The following TAFA5 variants were observed in gnomAD, a reference collection of about 807,000 sequenced individuals.
TAFA5 encodes the protein TAFA chemokine like family member 5.
Under a neutral mutation model 15.3 loss-of-function variants are expected in TAFA5, and 6 were observed. That is an observed-to-expected ratio of 0.39 (90% CI 0.21 to 0.77). The LOEUF is 0.77. Among genes scored for constraint, TAFA5 ranks in the 30% least tolerant of loss-of-function variants. The pLI is 0.41. For synonymous variants in TAFA5, 103 were observed against 80.7 expected (o/e 1.28, Z -1.48); for missense variants, 161 against 193.1 (o/e 0.83, Z 0.98).
chr22:48,722,369 T>A (rs1929594937), intron 3 of TAFA5, among the ~76,000 whole-genome samples: 2 of 152,218 alleles, frequency 1.3e-5, no homozygotes, highest in Non-Finnish European at 2.9e-5. Context: ...TAGAATACTA[T>A]GCAGTCATAA....
chr22:48,552,042 C>T lies in TAFA5; in HGVS notation c.112+62338C>T, dbSNP rs116146267. ...GGCCGTTCAGCTCTGACTGTCCTCCCGGCAGGAAGCGTCCTCCAGTGCTCC... is the reference window on the plus strand; with the variant it reads ...GGCCGTTCAGCTCTGACTGTCCTCCTGGCAGGAAGCGTCCTCCAGTGCTCC... On this transcript the variant is annotated intron_variant, in intron 1 of 3. Transcript: ENST00000402357. The surrounding 1 kb of genome is among the most constrained non-coding windows in gnomAD (Gnocchi z 4.1). Among the ~76,000 whole-genome samples, 6 of 152,346 alleles carry T rather than the reference C, an allele frequency of 3.9e-5. No homozygotes were observed. Among genetic ancestry groups the T allele is most frequent in the African/African-American group, 7.2e-5 (3 of 41,582 alleles).
At chr22:48,579,139 G>T (rs1004217066) in intron 1 of TAFA5, among the ~76,000 whole-genome samples, 4 of 150,820 alleles carry the variant, frequency 2.7e-5, no homozygotes, top group Non-Finnish European at 4.4e-5. Flanking sequence ...TCCCCCCCTG[G>T]CCACTCTGGT....
intron 1 of TAFA5, among the ~76,000 whole-genome samples, chr22:48,563,335 C>T (rs1207260822): frequency 6.6e-6 from 1 of 152,174 alleles, no homozygotes; most frequent in Non-Finnish European, 1.5e-5. Context: ...TCCTCTAGAG[C>T]TGTCCTCCAG....
chr22:48,740,529 C>A (rs752645253), intron 3 of TAFA5, among the ~76,000 whole-genome samples: 2 of 152,210 alleles, frequency 1.3e-5, no homozygotes, highest in Non-Finnish European at 2.9e-5. Context: ...CCTCAGTTGG[C>A]GGATCTGCCT....
At chr22:48,587,454 G>A (rs538275616) in intron 1 of TAFA5, among the ~76,000 whole-genome samples, 1 of 152,294 alleles carries the variant, frequency 6.6e-6, no homozygotes, top group Admixed American at 6.5e-5. Context: ...TGGGCTGCAG[G>A]CGGGTCGGGG....
chr22:48,588,284 C>T (rs975896001), intron 1 of TAFA5, among the ~76,000 whole-genome samples: 5 of 152,172 alleles, frequency 3.3e-5, no homozygotes, highest in Admixed American at 6.5e-5. Flanking sequence ...AGGCCACCTG[C>T]GCAGAGGGTG....
chr22:48,725,347 A>G (rs1929685367), intron 3 of TAFA5, among the ~76,000 whole-genome samples: 1 of 152,182 alleles, frequency 6.6e-6, no homozygotes, highest in South Asian at 2.1e-4. Flanking sequence ...ATGAGCCCGT[A>G]AAAAAGTAAT....
At chr22:48,531,605 C>T (rs1481362913) in intron 1 of TAFA5, among the ~76,000 whole-genome samples, 1 of 152,174 alleles carries the variant, frequency 6.6e-6, no homozygotes, top group Non-Finnish European at 1.5e-5. Flanking sequence ...CGGCTTTGTG[C>T]AGGGGACTCT....
At chr22:48,743,715 A>G (rs1299400266) in intron 3 of TAFA5, among the ~76,000 whole-genome samples, 6 of 152,166 alleles carry the variant, frequency 3.9e-5, no homozygotes, top group African/African-American at 9.7e-5. Context: ...CTGATGTCCA[A>G]TCTGCCAGCC....
At chr22:48,556,244 C>G (rs1923033906) in intron 1 of TAFA5, among the ~76,000 whole-genome samples, 1 of 152,200 alleles carries the variant, frequency 6.6e-6, no homozygotes, top group South Asian at 2.1e-4. Context: ...CAAGTGCTCA[C>G]TGGCCCTGCA....
intron 2 of TAFA5, among the ~76,000 whole-genome samples, chr22:48,683,003 A>G (rs1476442364): frequency 6.6e-6 from 1 of 152,104 alleles, no homozygotes; most frequent in African/African-American, 2.4e-5. Context: ...AATGTACTCT[A>G]TTGCATCTTT....
rs1449961193 is a variant in TAFA5 at position 48,707,790 on chromosome 22, C to T, written c.336C>T (p.Ile112=). The T allele has an allele frequency of 6.2e-7, 1 of 1,613,902 alleles. No homozygotes were observed. Among genetic ancestry groups the T allele is most frequent in the Non-Finnish European group, 8.5e-7 (1 of 1,179,876 alleles). Reference sequence around the variant, plus strand: ...AGGGGGAAGGCTGCGACTTGTTAATCAACCGGTCAGGCTGGACGTGCACGC... The same window carrying T: ...AGGGGGAAGGCTGCGACTTGTTAATTAACCGGTCAGGCTGGACGTGCACGC... The part of the protein sequence containing the change: ...CLEGEGCDLL[I]NRSGWTCTQP... Residue 112 remains isoleucine, a synonymous_variant, in exon 3 of 4, where the codon ATC becomes ATT. Coordinates refer to ENST00000402357, the MANE Select transcript of TAFA5 (RefSeq NM_001082967.3).
At chr22:48,576,042 C>T (rs866931539) in intron 1 of TAFA5, among the ~76,000 whole-genome samples, 48 of 87,596 alleles carry the variant, frequency 5.5e-4, no homozygotes, top group Admixed American at 9.8e-4. Flanking sequence ...GCGCCGGACC[C>T]CCCCCCCCCC....
At chr22:48,672,959 C>T (rs544618946) in intron 2 of TAFA5, among the ~76,000 whole-genome samples, 36 of 152,272 alleles carry the variant, frequency 2.4e-4, no homozygotes, top group African/African-American at 7.7e-4. Context: ...CCCTGGATGC[C>T]GAGTCCTGAG....
At position 48,489,598 on chromosome 22, in the gene TAFA5, G is replaced by A; in HGVS notation, c.6G>A (p.Ala2=). The part of the protein sequence containing the change: M[A]PSPRTGSRQD... ...GCGCGGGCGCCGCGGCTTCAATGGC[G>A]CCATCGCCCAGGACCGGCAGCCGGC... Residue 2 remains alanine (A), a synonymous_variant, in exon 1 of 4, where the codon GCG becomes GCA. Coordinates refer to ENST00000402357, the MANE Select transcript of TAFA5 (RefSeq NM_001082967.3). This position sits in a 1 kb window ranked among gnomAD's most constrained non-coding sequence, Gnocchi z 5.5. 1.4e-6 allele frequency: 2 copies of A among 1,471,242 alleles called. No individual in the cohort carries two copies. The highest frequency in any genetic ancestry group is 3.1e-5 in the East Asian group (1 of 32,746). The allele number at this position is 1,471,242 out of a possible 1,614,324, so 91.1% of individuals were successfully genotyped here.
intron 1 of TAFA5, among the ~76,000 whole-genome samples, chr22:48,525,173 C>T (rs1921736650): frequency 6.6e-6 from 1 of 152,226 alleles, no homozygotes; most frequent in Non-Finnish European, 1.5e-5. Flanking sequence ...CTAAAAACGT[C>T]CCTTTGCCAT....
At chr22:48,498,768 T>C (rs557585248) in intron 1 of TAFA5, among the ~76,000 whole-genome samples, 1 of 152,296 alleles carries the variant, frequency 6.6e-6, no homozygotes, top group South Asian at 2.1e-4. Flanking sequence ...CAAAGATGTC[T>C]CTGGACCTTG....
chr22:48,546,500 C>T (rs1569020956), intron 1 of TAFA5: 3 of 471,184 alleles, frequency 6.4e-6, no homozygotes, highest in East Asian at 7.0e-5. Context: ...GTGGACGCCC[C>T]TGTTTTTCTC....
intron 3 of TAFA5, among the ~76,000 whole-genome samples, chr22:48,711,027 T>G (rs1035976017): frequency 2.6e-5 from 4 of 152,168 alleles, no homozygotes; most frequent in Non-Finnish European, 4.4e-5. Flanking sequence ...ACTCAGATAC[T>G]CTGATCTTCC....
Sources: allele counts gnomAD v4.1 joint callset (sites outside exome capture counted in the v4.1 genomes callset), GRCh38; gene constraint gnomAD v4.1.1; non-coding constraint Gnocchi (gnomAD v3.1); transcripts MANE v1.5; gene names NCBI Gene and HGNC (gene_info 2026-07-23, HGNC 2026-07-21).